IPCEF1: variants seen among roughly 807,000 people sequenced by gnomAD.
The protein encoded by IPCEF1 is interactor protein for cytohesin exchange factors 1.
A neutral mutation model predicts 50.9 loss-of-function variants in IPCEF1; 31 were observed. That is an observed-to-expected ratio of 0.61 (90% confidence interval 0.46 to 0.82). IPCEF1 has a LOEUF of 0.82. IPCEF1 is among the 40% of genes least tolerant of loss of function. IPCEF1 has a pLI of 0.00. For missense variants in IPCEF1, 458 were observed against 514.0 expected, an observed-to-expected ratio of 0.89 and a Z score of 1.05; for synonymous variants, 181 against 192.0, an observed-to-expected ratio of 0.94 and a Z score of 0.47.
intron 10 of IPCEF1, among the ~76,000 whole-genome samples, chr6:154,169,865 T>C (rs953146622): frequency 6.6e-6 from 1 of 152,210 alleles, no homozygotes; most frequent in African/African-American, 2.4e-5. Flanking sequence ...TTCCAAGACT[T>C]TGGAGTATCA....
At chr6:154,295,002 G>T (rs111346799) in intron 1 of IPCEF1, among the ~76,000 whole-genome samples, 2,249 of 152,266 alleles carry the variant, frequency 0.015, 19 homozygotes, top group South Asian at 0.017. Context: ...ATCGAGACCA[G>T]CCTGGCTAAC....
intron 7 of IPCEF1, chr6:154,217,608 C>T (rs1177278964): frequency 6.6e-6 from 1 of 152,140 alleles, no homozygotes; most frequent in African/African-American, 2.4e-5. Context: ...AAATCTTTTG[C>T]TTTGTCTGAC....
At chr6:154,273,362 C>T (rs1436029264) in intron 2 of IPCEF1, among the ~76,000 whole-genome samples, 2 of 152,200 alleles carry the variant, frequency 1.3e-5, no homozygotes, top group East Asian at 1.9e-4. Flanking sequence ...CATGTGGCAG[C>T]AAACGTCCAC....
intron 1 of IPCEF1, among the ~76,000 whole-genome samples, chr6:154,295,583 G>A (rs768328005): frequency 3.3e-5 from 5 of 152,290 alleles, no homozygotes; most frequent in Admixed American, 1.3e-4. Flanking sequence ...CTAGGTCAGC[G>A]ACGCCTGCAC....
intron 1 of IPCEF1, among the ~76,000 whole-genome samples, chr6:154,292,736 C>A (rs772925929): frequency 7.2e-5 from 11 of 152,070 alleles, no homozygotes; most frequent in Non-Finnish European, 1.5e-4. Flanking sequence ...ATTTTTTCAA[C>A]CATAATTATT....
chr6:154,198,384 C>T (rs1311241884), intron 10 of IPCEF1, among the ~76,000 whole-genome samples: 1 of 152,172 alleles, frequency 6.6e-6, no homozygotes, highest in Non-Finnish European at 1.5e-5. Context: ...TTCCTTTCTC[C>T]TCCCTATGCT....
intron 5 of IPCEF1, among the ~76,000 whole-genome samples, chr6:154,230,745 T>C (rs947300487): frequency 6.6e-6 from 1 of 152,180 alleles, no homozygotes; most frequent in African/African-American, 2.4e-5. Context: ...CCCTGATTTC[T>C]TTACACTTCA....
intron 10 of IPCEF1, 36 bp downstream of exon 10, chr6:154,199,632 A>C: frequency 6.5e-7 from 1 of 1,528,936 alleles, no homozygotes; most frequent in Non-Finnish European, 8.8e-7. Flanking sequence ...ACAAATATTC[A>C]CTCTCTAACG....
intron 2 of IPCEF1, among the ~76,000 whole-genome samples, chr6:154,273,699 T>TTCTTTTTC (rs1781956344): frequency 1.0e-5 from 1 of 97,840 alleles, no homozygotes; most frequent in South Asian, 4.1e-4. Context: ...TAAGCTTTTT[T>TTCTTTTTC]CTTTTTTTCT....
At chr6:154,239,872 T>G (rs1042604534) in intron 5 of IPCEF1, among the ~76,000 whole-genome samples, 27 of 152,158 alleles carry the variant, frequency 1.8e-4, no homozygotes, top group African/African-American at 6.0e-4. Flanking sequence ...TTGGCTAATT[T>G]TTATATTTTT....
intron 1 of IPCEF1, among the ~76,000 whole-genome samples, chr6:154,295,888 CAT>C (rs1485533135): frequency 2.8e-4 from 32 of 116,178 alleles, no homozygotes; most frequent in Middle Eastern, 8.8e-3. Context: ...CACACACACA[CAT>C]GCGTACACAC....
At chr6:154,161,533 G>A (rs193044772) in intron 11 of IPCEF1, among the ~76,000 whole-genome samples, 175 of 152,082 alleles carry the variant, frequency 1.2e-3, no homozygotes, top group African/African-American at 4.1e-3. Context: ...TTCAAAACCC[G>A]TAAATCTATA....
At chr6:154,334,955 T>C (rs755162716) in intron 1 of IPCEF1, among the ~76,000 whole-genome samples, 2 of 152,140 alleles carry the variant, frequency 1.3e-5, no homozygotes, top group East Asian at 1.9e-4. Flanking sequence ...AGTTCCTTTA[T>C]CTGCCTAAGA....
At chr6:154,334,440 A>G (rs898149244) in intron 1 of IPCEF1, among the ~76,000 whole-genome samples, 3 of 151,710 alleles carry the variant, frequency 2.0e-5, no homozygotes, top group African/African-American at 7.2e-5. Flanking sequence ...CTATGACTCT[A>G]TAAAGAAAGC....
intron 2 of IPCEF1, among the ~76,000 whole-genome samples, chr6:154,272,456 C>G (rs1298296684): frequency 1.3e-5 from 2 of 152,214 alleles, no homozygotes; most frequent in African/African-American, 2.4e-5. Context: ...ATATTTAAAA[C>G]AGTTATCTTC....
intron 10 of IPCEF1, among the ~76,000 whole-genome samples, chr6:154,194,282 C>T (rs548552431): frequency 1.3e-5 from 2 of 152,262 alleles, no homozygotes; most frequent in East Asian, 3.9e-4. Flanking sequence ...GCCTGTAATC[C>T]CAGCTACTTG....
At chr6:154,313,894 C>G (rs1783148116) in intron 1 of IPCEF1, among the ~76,000 whole-genome samples, 1 of 152,076 alleles carries the variant, frequency 6.6e-6, no homozygotes, top group South Asian at 2.1e-4. Context: ...CAGGTGTGTG[C>G]CACCACACCT....
At chr6:154,200,182 T>C (rs1365598404) in intron 9 of IPCEF1, 142 bp from the exon 10 acceptor site, 2 of 741,654 alleles carry the variant, frequency 2.7e-6, no homozygotes, top group Non-Finnish European at 4.2e-6. Flanking sequence ...GGTAAAGATA[T>C]GATATTTATT....
At chr6:154,249,106 T>G (rs1287188009) in intron 3 of IPCEF1, among the ~76,000 whole-genome samples, 1 of 152,138 alleles carries the variant, frequency 6.6e-6, no homozygotes, top group Non-Finnish European at 1.5e-5. Context: ...AGTAATTACC[T>G]TAAATTTTAA....
Sources: gnomAD v4.1 joint callset for allele counts (sites outside exome capture counted in the v4.1 genomes callset) on GRCh38, gnomAD v4.1.1 for gene constraint, MANE v1.5 for transcripts, NCBI Gene and HGNC (gene_info 2026-07-23, HGNC 2026-07-21) for gene names.